ANGPTL3: variants seen among roughly 807,000 people sequenced by gnomAD.
ANGPTL3 encodes angiopoietin-related protein 3.
In ANGPTL3, 51 loss-of-function variants were observed where a neutral mutation model predicts 52.7. The observed-to-expected ratio is 0.97, with a 90% CI of 0.77 to 1.22. The LOEUF is 1.22. Ranked by LOEUF, ANGPTL3 falls within the 50% of genes most tolerant of loss-of-function variation. The pLI is 0.00. For missense variants in ANGPTL3, 506 were observed against 520.7 expected, an observed-to-expected ratio of 0.97 and a Z score of 0.27; for synonymous variants, 185 against 179.8, an observed-to-expected ratio of 1.03 and a Z score of -0.23.
chr1:62,603,546 CATT>C (rs1254691204), intron 5 of ANGPTL3, among the ~76,000 whole-genome samples: 3 of 151,682 alleles, frequency 2.0e-5, no homozygotes, highest in African/African-American at 7.2e-5. Flanking sequence ...AAGAAAGTGA[CATT>C]ATTATTACTC....
Position 62,597,751 on chromosome 1 carries a change from A to C in ANGPTL3, c.185A>C (p.His62Pro), listed in dbSNP as rs1356877257. Residue 62 changes from histidine to proline, a missense_variant, in exon 1 of 7, where the codon CAT (histidine) becomes CCT (proline). His to Pro is a moderately conservative substitution (Grantham distance 77, BLOSUM62 -2). Coordinates refer to ENST00000371129, the MANE Select transcript of ANGPTL3 (RefSeq NM_014495.4). ...GGACATGGTCTTAAAGACTTTGTCCATAAGACGAAGGGCCAAATTAATGAC... is the reference window on the plus strand; with the variant it reads ...GGACATGGTCTTAAAGACTTTGTCCCTAAGACGAAGGGCCAAATTAATGAC... ...QLGHGLKDFV[H>P]KTKGQINDIF... is the part of the protein sequence containing the mutation. 4.3e-6 allele frequency: 7 copies of C among 1,613,480 alleles called. No individual in the cohort carries two copies. Among genetic ancestry groups the C allele is most frequent in the Non-Finnish European group, 2.5e-6 (3 of 1,179,698 alleles).
chr1:62,597,586 T>TA lies in ANGPTL3; in HGVS notation c.20_21insA (p.Leu8SerfsTer13). ...ATAAAAATGTTCACAATTAAGCTCCTTCTTTTTATTGTTCCTCTAGTTATT... is the reference window on the plus strand; with the variant it reads ...ATAAAAATGTTCACAATTAAGCTCCTATCTTTTTATTGTTCCTCTAGTTATT... On this transcript the variant is annotated frameshift_variant, in exon 1 of 7. Transcript: ENST00000371129. LOFTEE classifies it high-confidence loss of function. 6.2e-7 allele frequency: 1 copy of TA among 1,612,796 alleles called. No homozygotes were observed. The highest frequency in any genetic ancestry group is 8.5e-7 in the Non-Finnish European group (1 of 1,179,314).
At position 62,605,562 on chromosome 1, in the gene ANGPTL3, A is replaced by T. The variant is rs937423462; in HGVS notation, c.*745A>T. On this transcript the variant is annotated 3_prime_UTR_variant, in exon 7 of 7. Coordinates refer to ENST00000371129, the MANE Select transcript of ANGPTL3 (RefSeq NM_014495.4). ...ATATATTTTAACACTTAATACTATG[A>T]AAACAAATAATTGTAAAGGAATCTT... is the stretch of plus-strand genomic sequence containing the variant. 1 of 152,460 alleles carries T rather than the reference A, an allele frequency of 6.6e-6. No individual in the cohort carries two copies. The highest frequency in any genetic ancestry group is 1.5e-5 in the Non-Finnish European group (1 of 67,894). 9.4% of individuals were successfully genotyped at this position (152,460 alleles called of 1,614,324 possible).
intron 2 of ANGPTL3, 38 bp from the exon 3 acceptor site, chr1:62,601,044 G>T: frequency 8.4e-7 from 1 of 1,191,074 alleles, no homozygotes; most frequent in Non-Finnish European, 1.3e-6. Flanking sequence ...TGTATATTCA[G>T]TATCATTTTA....
In ANGPTL3 at chr1:62,601,848, T is replaced by C. The variant is rs538757784; in HGVS notation, c.801T>C (p.Ser267=). The C allele has an allele frequency of 1.9e-5, 30 of 1,609,810 alleles. No homozygotes were observed. The South Asian group carries it at 2.7e-4, about 15-fold the overall frequency. ...SGMYAIRPSN[S]QVFHVYCDVI... Reference sequence around the variant, plus strand: ...TGTATGCCATCAGACCCAGCAACTCTCAAGTTTTTCATGTCTACTGTGATG... The same window carrying C: ...TGTATGCCATCAGACCCAGCAACTCCCAAGTTTTTCATGTCTACTGTGATG... The change falls in exon 4 of 7, where the codon TCT becomes TCC. Residue 267 remains serine (S), a synonymous_variant. Coordinates refer to ENST00000371129, the MANE Select transcript of ANGPTL3 (RefSeq NM_014495.4).
chr1:62,604,877 T>G lies in ANGPTL3; in HGVS notation c.*60T>G. On this transcript the variant is annotated 3_prime_UTR_variant, in exon 7 of 7. Transcript: ENST00000371129. ...TTAACCTCATTCCAAGTTAATGTGG[T>G]CTAATAATCTGGTATTAAATCCTTA... is the stretch of plus-strand genomic sequence containing the variant. The G allele has an allele frequency of 2.0e-5, 24 of 1,200,956 alleles. No individual in the cohort carries two copies. The highest frequency in any genetic ancestry group is 2.9e-5 in the Non-Finnish European group (24 of 832,534). The allele number at this position is 1,200,956 out of a possible 1,614,324, so 74.4% of individuals were successfully genotyped here.
rs1271558274 is a variant in ANGPTL3, at chr1:62,597,562, T to C, written c.-5T>C. On this transcript the variant is annotated 5_prime_UTR_variant, in exon 1 of 7. Transcript: ENST00000371129. ...CGTTGCTTGAAATTGAAAATCAAGA[T>C]AAAAATGTTCACAATTAAGCTCCTT... 5 of 1,612,370 alleles carry C rather than the reference T, an allele frequency of 3.1e-6. No homozygotes were observed. The South Asian group carries it at 3.3e-5, about 11-fold the overall frequency.
At chr1:62,601,632 AAAAATGCTT>A in intron 3 of ANGPTL3, 128 bp from the exon 4 acceptor site, 3 of 600,876 alleles carry the variant, frequency 5.0e-6, no homozygotes, top group Non-Finnish European at 8.8e-6. Flanking sequence ...GCCATCTAAG[AAAAATGCTT>A]TAACATAAAC....
intron 5 of ANGPTL3, among the ~76,000 whole-genome samples, chr1:62,603,581 A>G (rs2149540784): frequency 6.6e-6 from 1 of 151,914 alleles, no homozygotes; most frequent in East Asian, 1.9e-4. Flanking sequence ...AATACTTAAC[A>G]CATCTCTTGA....
intron 2 of ANGPTL3, among the ~76,000 whole-genome samples, chr1:62,600,787 A>G (rs1649997532): frequency 2.0e-5 from 3 of 151,976 alleles, no homozygotes; most frequent in African/African-American, 7.2e-5. Context: ...ATAAAAGAAT[A>G]CATTACAATA....
chr1:62,604,605 C>A, intron 6 of ANGPTL3, 28 bp from the exon 7 acceptor site: 1 of 1,602,272 alleles, frequency 6.2e-7, no homozygotes, highest in South Asian at 1.1e-5. Context: ...AGTCTGTACC[C>A]ATTAAATTGC....
At chr1:62,602,130 C>T (rs900844509) in intron 4 of ANGPTL3, among the ~76,000 whole-genome samples, 155 bp from the exon 5 acceptor site, 8 of 151,570 alleles carry the variant, frequency 5.3e-5, no homozygotes, top group African/African-American at 1.9e-4. Flanking sequence ...TTTCACTTAA[C>T]TTTTGGGACC....
chr1:62,604,262 A>G (rs1650610194), intron 6 of ANGPTL3, 27 bp downstream of exon 6: 1 of 1,609,728 alleles, frequency 6.2e-7, no homozygotes, highest in Non-Finnish European at 8.5e-7. Context: ...CCAATACTTT[A>G]TTTTCATATC....
In ANGPTL3 at chr1:62,601,819, G is replaced by T; in HGVS notation, c.772G>T (p.Gly258Cys). ...TTATAACAGAGGTGAACATACAAGT[G>T]GCATGTATGCCATCAGACCCAGCAA... Reference protein sequence around the residue: ...TIYNRGEHTSGMYAIRPSNSQ... With the variant: ...TIYNRGEHTSCMYAIRPSNSQ... The change falls in exon 4 of 7, where the codon GGC (glycine) becomes TGC (cysteine). Residue 258 changes from glycine to cysteine, a missense_variant. Transcript: ENST00000371129. 1 of 1,610,156 alleles carries T rather than the reference G, an allele frequency of 6.2e-7. No homozygotes were observed. Among genetic ancestry groups the T allele is most frequent in the South Asian group, 1.1e-5 (1 of 90,970 alleles).
rs780153441 is a variant in ANGPTL3, at chr1:62,597,689, C to T, written c.123C>T (p.Asp41=). The T allele has an allele frequency of 4.4e-5, 71 of 1,613,294 alleles. No individual in the cohort carries two copies. Among genetic ancestry groups the T allele is most frequent in the Admixed American group, 4.0e-4 (24 of 59,880 alleles). ...PEPKSRFAML[D]DVKILANGLL... ...CAAAATCAAGATTTGCTATGTTAGA[C>T]GATGTAAAAATTTTAGCCAATGGCC... The change falls in exon 1 of 7, where the codon GAC becomes GAT. Residue 41 remains aspartate (D), a synonymous_variant. Transcript: ENST00000371129.
At chr1:62,603,687 A>G (rs1042295137) in intron 5 of ANGPTL3, among the ~76,000 whole-genome samples, 1 of 151,862 alleles carries the variant, frequency 6.6e-6, no homozygotes, top group African/African-American at 2.4e-5. Flanking sequence ...TAAAATATCT[A>G]TAATAATGTA....
intron 6 of ANGPTL3, 21 bp downstream of exon 6, chr1:62,604,256 T>A (rs375057681): frequency 6.2e-7 from 1 of 1,611,228 alleles, no homozygotes; most frequent in Middle Eastern, 1.7e-4. Context: ...CTGATACCAA[T>A]ACTTTATTTT....
Position 62,597,754 on chromosome 1 carries a change from A to C in ANGPTL3, c.188A>C (p.Lys63Thr), listed in dbSNP as rs146749211. 2.4e-5 allele frequency: 39 copies of C among 1,613,510 alleles called. No homozygotes were observed. The African/African-American group carries it at 4.7e-4, about 19-fold the overall frequency. The change falls in exon 1 of 7, where the codon AAG becomes ACG. Residue 63 changes from lysine to threonine, a missense_variant. Coordinates refer to ENST00000371129, the MANE Select transcript of ANGPTL3 (RefSeq NM_014495.4). The stretch of plus-strand genomic sequence containing the variant: ...CATGGTCTTAAAGACTTTGTCCATA[A>C]GACGAAGGGCCAAATTAATGACATA... ...LGHGLKDFVH[K>T]TKGQINDIFQ...
intron 5 of ANGPTL3, 89 bp from the exon 6 acceptor site, chr1:62,603,880 T>C: frequency 8.1e-7 from 1 of 1,240,476 alleles, no homozygotes; most frequent in East Asian, 2.4e-5. Flanking sequence ...ACAACTCAAT[T>C]AGTTGCACCA....
Sources: allele counts gnomAD v4.1 joint callset (sites outside exome capture counted in the v4.1 genomes callset), GRCh38; gene constraint gnomAD v4.1.1; transcripts MANE v1.5; gene names NCBI Gene and HGNC (gene_info 2026-07-23, HGNC 2026-07-21).